ZNF407: variants seen among roughly 807,000 people sequenced by gnomAD.
The protein encoded by ZNF407 is zinc finger protein 407.
A neutral mutation model predicts 131.2 loss-of-function variants in ZNF407; 17 were observed. The observed-to-expected ratio is 0.13, with a 90% CI of 0.09 to 0.19. The LOEUF is 0.19. Among genes scored for constraint, ZNF407 ranks in the 10% least tolerant of loss-of-function variants. ZNF407 has a pLI of 1.00. For synonymous variants in ZNF407, 1,156 were observed against 1,062.0 expected (o/e 1.09, Z -1.72); for missense variants, 2,681 against 2,830.6 (o/e 0.95, Z 1.20).
chr18:74,792,527 G>A (rs939471966), intron 4 of ZNF407, among the ~76,000 whole-genome samples: 7 of 149,502 alleles, frequency 4.7e-5, no homozygotes, highest in African/African-American at 1.7e-4. Flanking sequence ...TTATGCCTTT[G>A]CCTTTTAAAA....
chr18:74,740,230 A>G (rs1024840595), intron 3 of ZNF407, among the ~76,000 whole-genome samples: 2 of 151,984 alleles, frequency 1.3e-5, no homozygotes, highest in African/African-American at 4.8e-5. Flanking sequence ...CATCATTCCA[A>G]TTCCCGCTTC....
At chr18:74,658,922 A>C (rs143177371) in intron 3 of ZNF407, among the ~76,000 whole-genome samples, 217 of 152,294 alleles carry the variant, frequency 1.4e-3, no homozygotes, top group African/African-American at 4.8e-3. Flanking sequence ...AAAACATTAT[A>C]TATCTATCTA....
At chr18:74,656,684 A>G (rs1159374652) in intron 3 of ZNF407, among the ~76,000 whole-genome samples, 1 of 152,204 alleles carries the variant, frequency 6.6e-6, no homozygotes, top group Non-Finnish European at 1.5e-5. Flanking sequence ...GGAGATCTAC[A>G]GTAATGAGTC....
intron 8 of ZNF407, among the ~76,000 whole-genome samples, chr18:74,996,067 T>G (rs1972776654): frequency 6.6e-6 from 1 of 152,254 alleles, no homozygotes; most frequent in African/African-American, 2.4e-5. Flanking sequence ...AGTTTGGTTT[T>G]AATACTAAAC....
chr18:75,063,049 G>A lies in ZNF407; in HGVS notation c.5429-101G>A. On this transcript the variant is annotated intron_variant, in intron 8 of 8. Transcript: ENST00000299687. This position sits in a 1 kb window ranked among gnomAD's most constrained non-coding sequence, Gnocchi z 6.6. ...TTCAGGGTTTGGAATAGGGGGTCGTGGTGACTCTGCTGAGGCCTGAGCGCT... is the reference window on the plus strand; with the variant it reads ...TTCAGGGTTTGGAATAGGGGGTCGTAGTGACTCTGCTGAGGCCTGAGCGCT... The A allele has an allele frequency of 1.8e-6, 2 of 1,113,210 alleles. No individual in the cohort carries two copies. The highest frequency in any genetic ancestry group is 2.6e-6 in the Non-Finnish European group (2 of 773,450). 69.0% of individuals were successfully genotyped at this position (1,113,210 alleles called of 1,614,324 possible). A position where few individuals can be genotyped will look rare whatever the true frequency, so the allele number is the denominator to read the frequency against.
intron 8 of ZNF407, among the ~76,000 whole-genome samples, chr18:75,007,086 C>A (rs1272544345): frequency 6.6e-6 from 1 of 152,088 alleles, no homozygotes; most frequent in Non-Finnish European, 1.5e-5. Context: ...TTGAAAGTTT[C>A]ATAGAGCTGG....
intron 4 of ZNF407, among the ~76,000 whole-genome samples, chr18:74,844,232 GC>G (rs1278942217): frequency 6.6e-6 from 1 of 152,032 alleles, no homozygotes; most frequent in Non-Finnish European, 1.5e-5. Flanking sequence ...CTCCCCCATG[GC>G]GTGAGCTTCT....
intron 7 of ZNF407, among the ~76,000 whole-genome samples, chr18:74,910,759 G>A (rs758047100): frequency 2.0e-5 from 3 of 152,102 alleles, no homozygotes; most frequent in South Asian, 2.1e-4. Flanking sequence ...CAAAAATGCA[G>A]TGCTTCACTT....
intron 8 of ZNF407, among the ~76,000 whole-genome samples, chr18:74,940,769 G>A (rs1972088707): frequency 6.6e-6 from 1 of 152,166 alleles, no homozygotes; most frequent in South Asian, 2.1e-4. Context: ...GCACAGCTTG[G>A]TGAAGCGTCG....
intron 1 of ZNF407, among the ~76,000 whole-genome samples, chr18:74,616,628 G>A (rs1449984563): frequency 6.6e-6 from 1 of 151,826 alleles, no homozygotes; most frequent in Non-Finnish European, 1.5e-5. Context: ...AACAAAACTA[G>A]AAAATGTTTC....
At position 74,634,955 on chromosome 18, in the gene ZNF407, A is replaced by G. The variant is rs1212639261; in HGVS notation, c.3936A>G (p.Ser1312=). 2 of 1,614,042 alleles carry G rather than the reference A, an allele frequency of 1.2e-6. No homozygotes were observed. The highest frequency in any genetic ancestry group is 1.7e-6 in the Non-Finnish European group (2 of 1,179,910). Reference sequence around the variant, plus strand: ...GGAATAAGGAAATTCTGATGAATTCACAACATGAAACAGAATTTATTTTGG... The same window carrying G: ...GGAATAAGGAAATTCTGATGAATTCGCAACATGAAACAGAATTTATTTTGG... The part of the protein sequence containing the change: ...VLGNKEILMN[S]QHETEFILEE... The change falls in exon 2 of 9, where the codon TCA becomes TCG. Residue 1312 remains serine (S), a synonymous_variant. Transcript: ENST00000299687.
intron 3 of ZNF407, among the ~76,000 whole-genome samples, chr18:74,690,542 G>A (rs1257499453): frequency 6.6e-6 from 1 of 151,330 alleles, no homozygotes; most frequent in Non-Finnish European, 1.5e-5. Context: ...TTATGATTTT[G>A]AAAATCAGAA....
chr18:74,645,749 G>C (rs1222327511), intron 3 of ZNF407, among the ~76,000 whole-genome samples: 1 of 151,612 alleles, frequency 6.6e-6, no homozygotes, highest in Admixed American at 6.6e-5. Flanking sequence ...GACCTTTGCA[G>C]CTTGAATAAT....
intron 3 of ZNF407, among the ~76,000 whole-genome samples, chr18:74,736,252 GT>G (rs1265405002): frequency 2.6e-5 from 4 of 152,036 alleles, no homozygotes; most frequent in Non-Finnish European, 5.9e-5. Flanking sequence ...TTGTGGGTGG[GT>G]TTTTTGAGAT....
chr18:74,790,612 A>G (rs575364634), intron 4 of ZNF407, among the ~76,000 whole-genome samples: 39 of 152,352 alleles, frequency 2.6e-4, no homozygotes, highest in Non-Finnish European at 4.7e-4. Context: ...TGACTAAAAT[A>G]TGCCTTAAGC....
intron 7 of ZNF407, chr18:74,905,155 T>C (rs918677498): frequency 2.0e-5 from 3 of 152,276 alleles, no homozygotes; most frequent in African/African-American, 4.8e-5. Context: ...CTTGTTTTTA[T>C]GTAGTACCTA....
intron 8 of ZNF407, among the ~76,000 whole-genome samples, chr18:75,002,601 G>T (rs2122162493): frequency 6.6e-6 from 1 of 152,198 alleles, no homozygotes; most frequent in Non-Finnish European, 1.5e-5. Flanking sequence ...AGGAGATCGA[G>T]ACCATCCTGG....
chr18:74,734,776 A>G (rs369229238), intron 3 of ZNF407, among the ~76,000 whole-genome samples: 2 of 152,110 alleles, frequency 1.3e-5, no homozygotes, highest in African/African-American at 2.4e-5. Flanking sequence ...ATGTACAAAC[A>G]AGGCTGACAT....
At chr18:74,933,582 TTACAAA>T (rs1487154850) in intron 8 of ZNF407, among the ~76,000 whole-genome samples, 1 of 152,214 alleles carries the variant, frequency 6.6e-6, no homozygotes, top group Non-Finnish European at 1.5e-5. Flanking sequence ...TTTTTAAAAA[TTACAAA>T]TACAAAAATA....
Sources: allele counts gnomAD v4.1 joint callset (sites outside exome capture counted in the v4.1 genomes callset), GRCh38; gene constraint gnomAD v4.1.1; non-coding constraint Gnocchi (gnomAD v3.1); transcripts MANE v1.5; gene names NCBI Gene and HGNC (gene_info 2026-07-23, HGNC 2026-07-21).